DLG2: variants seen among roughly 807,000 people sequenced by gnomAD.
The protein encoded by DLG2 is discs large MAGUK scaffold protein 2, also known as disks large homolog 2.
DLG2 carries 45 observed loss-of-function variants against 132.5 expected under a neutral mutation model. The observed-to-expected ratio is 0.34, with a 90% CI of 0.27 to 0.44. The LOEUF (loss-of-function observed/expected upper bound fraction) is 0.44. Among genes scored for constraint, DLG2 ranks in the 20% least tolerant of loss-of-function variants. The pLI is 1.00. For missense variants in DLG2, 1,045 were observed against 1,196.9 expected, an observed-to-expected ratio of 0.87 and a Z score of 1.87; for synonymous variants, 424 against 419.6, an observed-to-expected ratio of 1.01 and a Z score of -0.13.
At chr11:84,544,042 C>T (rs944483016) in intron 6 of DLG2, among the ~76,000 whole-genome samples, 1 of 152,164 alleles carries the variant, frequency 6.6e-6, no homozygotes. Context: ...ATTCTAAGAT[C>T]CTTTTTAAGG....
chr11:84,564,450 A>G lies in DLG2; in HGVS notation c.358-29719T>C, dbSNP rs11827703. 7.2e-3 allele frequency among the ~76,000 whole-genome samples: 1,090 copies of G among 152,288 alleles called. 13 individuals are homozygous for G. The highest frequency in any genetic ancestry group is 0.024 in the African/African-American group (1,003 of 41,560). On this transcript the variant is annotated intron_variant, in intron 6 of 27. Coordinates refer to ENST00000376104, the MANE Select transcript of DLG2 (RefSeq NM_001142699.3). ...GAAAGATCCCATCCGAGAATGTACT[A>G]TTCCCTTATTGGGTGAGACTGCAAG...
At chr11:84,218,283 GAGAAAGAGAGAAAGAGAA>G (rs1263264861) in intron 8 of DLG2, among the ~76,000 whole-genome samples, 2 of 140,760 alleles carry the variant, frequency 1.4e-5, no homozygotes, top group Admixed American at 1.4e-4. Flanking sequence ...AAGGGAGAGA[GAGAAAGAGAGAAAGAGAA>G]AGAAAGAGAG....
chr11:83,902,455 G>T (rs2073733299), intron 15 of DLG2, among the ~76,000 whole-genome samples: 2 of 152,190 alleles, frequency 1.3e-5, no homozygotes, highest in South Asian at 4.1e-4. Context: ...TCACCAATCA[G>T]CCTGCACAAG....
intron 3 of DLG2, among the ~76,000 whole-genome samples, chr11:85,441,907 T>G (rs2091798352): frequency 6.6e-6 from 1 of 151,988 alleles, no homozygotes; most frequent in African/African-American, 2.4e-5. Flanking sequence ...AAGTGGAAGA[T>G]GTAAGGATAG....
intron 3 of DLG2, among the ~76,000 whole-genome samples, chr11:85,506,625 CT>C (rs1485599582): frequency 6.6e-6 from 1 of 152,134 alleles, no homozygotes; most frequent in Non-Finnish European, 1.5e-5. Context: ...CTGAGGAGTG[CT>C]TTACTTCCAA....
rs147739795 is a variant in DLG2, at chr11:84,719,406, T to C, written c.358-184675A>G. On this transcript the variant is annotated intron_variant, in intron 6 of 27. Transcript: ENST00000376104. Reference sequence around the variant, plus strand: ...CATAGTAGCCACATGAAGTGTTTTATATAAATAAGCTGGACAAATCCACTG... The same window carrying C: ...CATAGTAGCCACATGAAGTGTTTTACATAAATAAGCTGGACAAATCCACTG... 1.9e-4 allele frequency among the ~76,000 whole-genome samples: 29 copies of C among 152,360 alleles called. No homozygotes were observed. In the East Asian group the frequency reaches 4.1e-3, roughly 21 times the overall value.
At chr11:85,445,364 A>T (rs1000806420) in intron 3 of DLG2, among the ~76,000 whole-genome samples, 1 of 152,150 alleles carries the variant, frequency 6.6e-6, no homozygotes, top group Non-Finnish European at 1.5e-5. Context: ...AACAAAGCCC[A>T]TTGTGATAGG....
chr11:84,619,899 C>G (rs1352363888), intron 6 of DLG2, among the ~76,000 whole-genome samples: 1 of 151,422 alleles, frequency 6.6e-6, no homozygotes, highest in Non-Finnish European at 1.5e-5. Context: ...CTTATAGGTT[C>G]AAAGAAATTC....
chr11:85,463,989 T>TATACACACACACACAC (rs1555141401), intron 3 of DLG2, among the ~76,000 whole-genome samples: 6 of 139,324 alleles, frequency 4.3e-5, no homozygotes, highest in Non-Finnish European at 6.1e-5. Flanking sequence ...GACATACATG[T>TATACACACACACACAC]ACACACACAC....
intron 18 of DLG2, among the ~76,000 whole-genome samples, chr11:83,660,681 T>C (rs948772464): frequency 1.9e-4 from 29 of 152,044 alleles, no homozygotes; most frequent in African/African-American, 7.0e-4. Context: ...CACACTAACA[T>C]GTAAGGTGAC....
Position 85,244,527 on chromosome 11 carries a change from T to A in DLG2, c.186+40693A>T, listed in dbSNP as rs77499589. Among the ~76,000 whole-genome samples, 470 of 152,044 alleles carry A rather than the reference T, an allele frequency of 3.1e-3. 2 individuals carry two copies. The highest frequency in any genetic ancestry group is 0.011 in the African/African-American group (449 of 41,528). The stretch of plus-strand genomic sequence containing the variant: ...CTGTGAAATGAATGGGCAACCATAA[T>A]GGGATGGTGTAATGAATTTGTGACA... On this transcript the variant is annotated intron_variant, in intron 4 of 27. Coordinates refer to ENST00000376104, the MANE Select transcript of DLG2 (RefSeq NM_001142699.3).
At chr11:85,162,989 C>G (rs1312827920) in intron 4 of DLG2, among the ~76,000 whole-genome samples, 11 of 152,148 alleles carry the variant, frequency 7.2e-5, no homozygotes. Context: ...ACTGCCAGCA[C>G]AGCTAGAATA....
intron 7 of DLG2, among the ~76,000 whole-genome samples, chr11:84,348,608 G>T (rs116236283): frequency 1.3e-3 from 196 of 152,278 alleles, no homozygotes; most frequent in African/African-American, 4.5e-3. Context: ...GGCACACATG[G>T]TGTATGGGTT....
intron 4 of DLG2, among the ~76,000 whole-genome samples, chr11:85,180,439 G>A (rs948293700): frequency 2.6e-5 from 4 of 151,758 alleles, no homozygotes; most frequent in Non-Finnish European, 5.9e-5. Context: ...AACTAAAGTT[G>A]AGTGGAAGCT....
chr11:85,244,108 T>C (rs369302033), intron 4 of DLG2, among the ~76,000 whole-genome samples: 9 of 152,146 alleles, frequency 5.9e-5, no homozygotes, highest in African/African-American at 2.2e-4. Flanking sequence ...CAGCTTTACA[T>C]AGTTATGAAT....
intron 2 of DLG2, among the ~76,000 whole-genome samples, chr11:85,615,781 A>G (rs2081292316): frequency 6.6e-6 from 1 of 152,078 alleles, no homozygotes; most frequent in Admixed American, 6.6e-5. Context: ...CACGCATGGC[A>G]TCTCCTATCT....
rs78475249 is a variant in DLG2 at position 83,552,908 on chromosome 11, T to C, written c.1941-11050A>G. Among the ~76,000 whole-genome samples, 716 of 152,366 alleles carry C rather than the reference T, an allele frequency of 4.7e-3. 4 individuals are homozygous for C. Among genetic ancestry groups the C allele is most frequent in the African/African-American group, 0.017 (697 of 41,580 alleles). On this transcript the variant is annotated intron_variant, in intron 19 of 27. Coordinates refer to ENST00000376104, the MANE Select transcript of DLG2 (RefSeq NM_001142699.3). Reference sequence around the variant, plus strand: ...TTTCTCTGGGAATCCTTCCTGAATCTATCAAGAGAAGGCTATTTCTTCCAC... The same window carrying C: ...TTTCTCTGGGAATCCTTCCTGAATCCATCAAGAGAAGGCTATTTCTTCCAC...
chr11:84,794,852 C>T (rs556417328), intron 6 of DLG2, among the ~76,000 whole-genome samples: 7 of 152,296 alleles, frequency 4.6e-5, no homozygotes, highest in African/African-American at 9.6e-5. Context: ...GAAAGGATGC[C>T]GAGGTGGGGC....
chr11:85,050,667 G>GA (rs1248898921), intron 6 of DLG2, among the ~76,000 whole-genome samples: 1 of 152,010 alleles, frequency 6.6e-6, no homozygotes, highest in Non-Finnish European at 1.5e-5. Context: ...TTTAAGACAA[G>GA]AAAAAATCAA....
Sources: gnomAD v4.1 joint callset for allele counts (sites outside exome capture counted in the v4.1 genomes callset) on GRCh38, gnomAD v4.1.1 for gene constraint, MANE v1.5 for transcripts, NCBI Gene and HGNC (gene_info 2026-07-23, HGNC 2026-07-21) for gene names.